Variants in RIMKLB observed in about 807,000 individuals in gnomAD.
RIMKLB encodes the protein ribosomal modification protein rimK like family member B.
In RIMKLB, 7 loss-of-function variants were observed where a neutral mutation model predicts 32.0. That is an observed-to-expected ratio of 0.22 (90% CI 0.12 to 0.41). The LOEUF (loss-of-function observed/expected upper bound fraction) is 0.41. RIMKLB is among the 10% of genes least tolerant of loss of function. RIMKLB has a pLI of 1.00. For synonymous variants in RIMKLB, 172 were observed against 185.1 expected (o/e 0.93, Z 0.57); for missense variants, 289 against 498.7 (o/e 0.58, Z 4.00).
intron 1 of RIMKLB, among the ~76,000 whole-genome samples, chr12:8,713,478 AAGTC>A: frequency 6.6e-6 from 1 of 152,338 alleles, no homozygotes; most frequent in East Asian, 1.9e-4. Context: ...ATAAAACAAA[AAGTC>A]AGTGATCAGA....
At chr12:8,728,694 C>T (rs1946258091) in intron 2 of RIMKLB, among the ~76,000 whole-genome samples, 1 of 152,084 alleles carries the variant, frequency 6.6e-6, no homozygotes. Context: ...TCACTGCAAC[C>T]TCCACATCCC....
intron 2 of RIMKLB, among the ~76,000 whole-genome samples, chr12:8,739,061 C>T (rs947700365): frequency 3.3e-5 from 5 of 152,168 alleles, no homozygotes; most frequent in Admixed American, 3.3e-4. Flanking sequence ...TTCTGAAAGT[C>T]TTGCTTCTAG....
At chr12:8,763,609 G>A (rs1949711845) in intron 5 of RIMKLB, among the ~76,000 whole-genome samples, 1 of 152,244 alleles carries the variant, frequency 6.6e-6, no homozygotes, top group African/African-American at 2.4e-5. Flanking sequence ...TTAGCCCTAA[G>A]TATTTAACCT....
intron 1 of RIMKLB, among the ~76,000 whole-genome samples, chr12:8,704,999 C>CACACACACACACACAA (rs35908223): frequency 4.6e-5 from 7 of 151,540 alleles, no homozygotes; most frequent in African/African-American, 1.7e-4. Context: ...CACACACACA[C>CACACACACACACACAA]AAAACCCCAA....
chr12:8,697,480 T>C (rs562811686), upstream of RIMKLB: 28 of 152,514 alleles, frequency 1.8e-4, no homozygotes, highest in Non-Finnish European at 3.5e-4. Flanking sequence ...AGGGGGCTCG[T>C]GTCGGGGTTC....
At chr12:8,760,960 G>C (rs1262804486) in intron 5 of RIMKLB, among the ~76,000 whole-genome samples, 2 of 152,018 alleles carry the variant, frequency 1.3e-5, no homozygotes, top group African/African-American at 4.8e-5. Context: ...GACCAGAAAG[G>C]TTCACAGCTC....
chr12:8,736,007 G>T (rs1946967262), intron 2 of RIMKLB, among the ~76,000 whole-genome samples: 1 of 152,184 alleles, frequency 6.6e-6, no homozygotes, highest in Non-Finnish European at 1.5e-5. Flanking sequence ...TGGGATTACA[G>T]GTGTGAGCCA....
In RIMKLB at chr12:8,723,565, A is replaced by G. The variant is rs755902669; in HGVS notation, c.175+9524A>G. On this transcript the variant is annotated intron_variant, in intron 2 of 5. Transcript: ENST00000535829. ...CAAATCTTCATTTGTAAAAAACACA[A>G]TAACTGCAAAAGGCAATAAGTTAAA... 2.6e-5 allele frequency among the ~76,000 whole-genome samples: 4 copies of G among 152,296 alleles called. No homozygotes were observed. In the South Asian group the frequency reaches 6.2e-4, roughly 24 times the overall value.
At chr12:8,687,256 C>A (rs1254519822) in intron 1 of RIMKLB, among the ~76,000 whole-genome samples, 1 of 152,190 alleles carries the variant, frequency 6.6e-6, no homozygotes, top group East Asian at 1.9e-4. Context: ...TGCTTCCTCT[C>A]TAAGCATCAT....
intron 1 of RIMKLB, among the ~76,000 whole-genome samples, chr12:8,708,845 C>T (rs1022004447): frequency 5.9e-5 from 9 of 152,144 alleles, no homozygotes; most frequent in Admixed American, 6.5e-5. Flanking sequence ...TATGCTGATC[C>T]AGAAGTTTGT....
intron 1 of RIMKLB, among the ~76,000 whole-genome samples, chr12:8,686,668 G>C (rs1007696480): frequency 2.6e-5 from 4 of 151,756 alleles, no homozygotes; most frequent in African/African-American, 9.7e-5. Context: ...ATTTTTAGTA[G>C]AGTCGGGGTT....
intron 1 of RIMKLB, among the ~76,000 whole-genome samples, chr12:8,704,249 G>A (rs1030243334): frequency 6.6e-6 from 1 of 152,084 alleles, no homozygotes; most frequent in African/African-American, 2.4e-5. Flanking sequence ...CGGGTGTGGC[G>A]GTGTGTGCTT....
intron 2 of RIMKLB, among the ~76,000 whole-genome samples, chr12:8,728,070 A>T (rs1031334944): frequency 4.6e-5 from 7 of 152,092 alleles, no homozygotes; most frequent in Admixed American, 3.9e-4. Flanking sequence ...GCATTTTGGT[A>T]TCTGTGGGGG....
intron 1 of RIMKLB, among the ~76,000 whole-genome samples, chr12:8,687,777 T>C (rs1942617859): frequency 1.3e-5 from 2 of 149,096 alleles, no homozygotes; most frequent in African/African-American, 2.5e-5. Flanking sequence ...AAGGAGAATC[T>C]GTTCTGACAG....
At chr12:8,761,970 C>A (rs754093887) in intron 5 of RIMKLB, among the ~76,000 whole-genome samples, 1 of 152,114 alleles carries the variant, frequency 6.6e-6, no homozygotes, top group African/African-American at 2.4e-5. Context: ...TTTGAAGAAC[C>A]ATTTGTAGTT....
At chr12:8,698,957 C>T (rs993443605) in intron 1 of RIMKLB, among the ~76,000 whole-genome samples, 3 of 152,044 alleles carry the variant, frequency 2.0e-5, no homozygotes, top group East Asian at 3.9e-4. Flanking sequence ...CCCTCACCCC[C>T]CCCCAAAAAA....
At chr12:8,703,909 A>G (rs1268711463) in intron 1 of RIMKLB, among the ~76,000 whole-genome samples, 2 of 152,234 alleles carry the variant, frequency 1.3e-5, no homozygotes, top group African/African-American at 4.8e-5. Context: ...TCTTTATCCA[A>G]ATTAGCTTTG....
At chr12:8,750,975 C>G (rs1468431029) in intron 3 of RIMKLB, among the ~76,000 whole-genome samples, 1 of 152,140 alleles carries the variant, frequency 6.6e-6, no homozygotes, top group Non-Finnish European at 1.5e-5. Flanking sequence ...CCCTTGTCCT[C>G]TCCTTATTGT....
At chr12:8,752,066 G>T (rs1398094134) in intron 4 of RIMKLB, 23 bp downstream of exon 4, 1 of 1,466,480 alleles carries the variant, frequency 6.8e-7, no homozygotes, top group Admixed American at 1.8e-5. Flanking sequence ...TGTTGGTAAG[G>T]TATATAGTTT....
Sources: allele counts gnomAD v4.1 joint callset (sites outside exome capture counted in the v4.1 genomes callset), GRCh38; gene constraint gnomAD v4.1.1; transcripts MANE v1.5; gene names NCBI Gene and HGNC (gene_info 2026-07-23, HGNC 2026-07-21).